The following ARHGAP44 variants were observed in gnomAD, a reference collection of about 807,000 sequenced individuals.
The protein encoded by ARHGAP44 is Rho GTPase activating protein 44.
ARHGAP44 carries 43 observed loss-of-function variants against 106.8 expected under a neutral mutation model. That is an observed-to-expected ratio of 0.40 (90% CI 0.32 to 0.52). ARHGAP44 has a LOEUF of 0.52. ARHGAP44 is among the 20% of genes least tolerant of loss of function. ARHGAP44 has a pLI of 0.48. For missense variants in ARHGAP44, 866 were observed against 1,050.5 expected (o/e 0.82, Z 2.43); for synonymous variants, 439 against 410.3 (o/e 1.07, Z -0.85).
chr17:12,848,372 C>T (rs1026959307), intron 1 of ARHGAP44, among the ~76,000 whole-genome samples: 9 of 151,470 alleles, frequency 5.9e-5, no homozygotes, highest in African/African-American at 1.9e-4. Context: ...GACTTTAAAA[C>T]GATTTGTTAA....
At chr17:12,910,446 C>T (rs1252349336) in intron 4 of ARHGAP44, among the ~76,000 whole-genome samples, 27 of 93,512 alleles carry the variant, frequency 2.9e-4, no homozygotes, top group Admixed American at 6.2e-4. Flanking sequence ...CTTATGTAGC[C>T]TTTTTTTTTT....
intron 1 of ARHGAP44, among the ~76,000 whole-genome samples, chr17:12,805,031 G>A (rs2034231167): frequency 6.6e-6 from 1 of 152,286 alleles, no homozygotes; most frequent in South Asian, 2.1e-4. Context: ...AATTAAATAT[G>A]CCACTGAAAT....
intron 16 of ARHGAP44, among the ~76,000 whole-genome samples, chr17:12,965,391 C>T (rs1180880763): frequency 1.3e-5 from 2 of 152,198 alleles, no homozygotes; most frequent in African/African-American, 4.8e-5. Context: ...CTCCCTTGAG[C>T]TCTGTTTAGT....
intron 1 of ARHGAP44, among the ~76,000 whole-genome samples, chr17:12,888,985 T>C (rs921819120): frequency 6.6e-6 from 1 of 152,180 alleles, no homozygotes; most frequent in Non-Finnish European, 1.5e-5. Context: ...TTATTTGAAA[T>C]GAGATTCTTG....
At chr17:12,968,856 G>A (rs1287198361) in intron 16 of ARHGAP44, among the ~76,000 whole-genome samples, 2 of 149,694 alleles carry the variant, frequency 1.3e-5, no homozygotes, top group Non-Finnish European at 3.0e-5. Context: ...TGCAAGCTCC[G>A]CCTCCCGGGT....
At chr17:12,908,126 CT>C (rs1352687653) in intron 3 of ARHGAP44, among the ~76,000 whole-genome samples, 1 of 149,250 alleles carries the variant, frequency 6.7e-6, no homozygotes, top group Non-Finnish European at 1.5e-5. Flanking sequence ...CATGCTTACT[CT>C]TTCTGGGTTA....
At chr17:12,978,658 T>C (rs1453782828) in intron 18 of ARHGAP44, among the ~76,000 whole-genome samples, 1 of 151,768 alleles carries the variant, frequency 6.6e-6, no homozygotes. Flanking sequence ...AGAAATAGGC[T>C]GTGCCTGCCT....
chr17:12,895,924 A>T (rs1158236138), intron 2 of ARHGAP44, among the ~76,000 whole-genome samples: 5 of 152,204 alleles, frequency 3.3e-5, no homozygotes, highest in Non-Finnish European at 7.3e-5. Context: ...ATGCAGCCAT[A>T]AGAAAAGGAT....
At chr17:12,954,365 G>A (rs182878871) in intron 13 of ARHGAP44, among the ~76,000 whole-genome samples, 16 of 152,302 alleles carry the variant, frequency 1.1e-4, no homozygotes, top group African/African-American at 3.4e-4. Flanking sequence ...AATCAGATCC[G>A]AAGAGCGGGA....
At chr17:12,798,186 G>A (rs889729057) in intron 1 of ARHGAP44, among the ~76,000 whole-genome samples, 2 of 151,990 alleles carry the variant, frequency 1.3e-5, no homozygotes, top group African/African-American at 4.8e-5. Context: ...GTTTATACTT[G>A]TTTTATTTTC....
At chr17:12,814,736 C>T (rs895641249) in intron 1 of ARHGAP44, among the ~76,000 whole-genome samples, 7 of 152,050 alleles carry the variant, frequency 4.6e-5, no homozygotes, top group Admixed American at 6.6e-5. Context: ...TAATTTTTCA[C>T]GTCTACCTGG....
At chr17:12,814,263 T>C (rs2034529005) in intron 1 of ARHGAP44, among the ~76,000 whole-genome samples, 1 of 133,718 alleles carries the variant, frequency 7.5e-6, no homozygotes, top group Admixed American at 7.9e-5. Flanking sequence ...TTTTTTGAGA[T>C]GGAGTCTTGC....
intron 10 of ARHGAP44, among the ~76,000 whole-genome samples, chr17:12,944,794 G>A (rs971563811): frequency 6.7e-6 from 1 of 150,228 alleles, no homozygotes; most frequent in Non-Finnish European, 1.5e-5. Flanking sequence ...CGACCCTGCT[G>A]CTATTACTAC....
At chr17:12,980,269 C>G (rs768931298) in intron 19 of ARHGAP44, 36 bp downstream of exon 19, 3 of 1,568,682 alleles carry the variant, frequency 1.9e-6, no homozygotes, top group Non-Finnish European at 2.6e-6. Flanking sequence ...GGTCTCAGGC[C>G]GGAGGTGGCT....
chr17:12,826,019 C>T (rs1433268077), intron 1 of ARHGAP44, among the ~76,000 whole-genome samples: 3 of 152,092 alleles, frequency 2.0e-5, no homozygotes, highest in Non-Finnish European at 4.4e-5. Context: ...TGTTGATAAA[C>T]AGTTTTGTGA....
At position 12,974,237 on chromosome 17, in the gene ARHGAP44, C is replaced by G. The variant is rs768242260; in HGVS notation, c.1690C>G (p.Pro564Ala). ...CCTGCCTTCGCCGCTGCCGGAGCAG[C>G]CCCTGGACAGCCCCGCGGCCCCCGC... ...APLPSPLPEQ[P>A]LDSPAAPALS... The change falls in exon 18 of 21, where the codon CCC becomes GCC. Residue 564 changes from proline (P) to alanine (A), a missense_variant. Physicochemically the swap from Pro to Ala is conservative, Grantham distance 27 (BLOSUM62 -1). Transcript: ENST00000379672. 1 of 1,540,778 alleles carries G rather than the reference C, an allele frequency of 6.5e-7. No individual in the cohort carries two copies. Among genetic ancestry groups the G allele is most frequent in the East Asian group, 2.5e-5 (1 of 40,150 alleles).
At chr17:12,820,073 G>A (rs1004380790) in intron 1 of ARHGAP44, among the ~76,000 whole-genome samples, 1 of 152,106 alleles carries the variant, frequency 6.6e-6, no homozygotes, top group African/African-American at 2.4e-5. Flanking sequence ...AAGTATTTGA[G>A]TGTGTTGTAA....
Position 12,803,911 on chromosome 17 carries a change from A to C in ARHGAP44, c.53+14020A>C, listed in dbSNP as rs184447494. Reference sequence around the variant, plus strand: ...TATTTACGGCTCTAAGAAGTTCTGCAGTTAAGAAAACTCGTGATCATTTGT... The same window carrying C: ...TATTTACGGCTCTAAGAAGTTCTGCCGTTAAGAAAACTCGTGATCATTTGT... On this transcript the variant is annotated intron_variant, in intron 1 of 20. Coordinates refer to ENST00000379672, the MANE Select transcript of ARHGAP44 (RefSeq NM_014859.6). Among the ~76,000 whole-genome samples the C allele has an allele frequency of 3.0e-3, 456 of 152,322 alleles. 1 individual carries two copies. Among genetic ancestry groups the C allele is most frequent in the Non-Finnish European group, 4.2e-3 (288 of 68,030 alleles).
chr17:12,879,085 G>A (rs553446495), intron 1 of ARHGAP44, among the ~76,000 whole-genome samples: 5 of 152,194 alleles, frequency 3.3e-5, no homozygotes, highest in South Asian at 4.2e-4. Context: ...CCCATCAACC[G>A]AGCAGTGTAC....
Sources: gnomAD v4.1 joint callset for allele counts (sites outside exome capture counted in the v4.1 genomes callset) on GRCh38, gnomAD v4.1.1 for gene constraint, MANE v1.5 for transcripts, NCBI Gene and HGNC (gene_info 2026-07-23, HGNC 2026-07-21) for gene names.